Variants in PTPRD observed in about 807,000 individuals in gnomAD.
PTPRD encodes receptor-type tyrosine-protein phosphatase delta.
Under a neutral mutation model 214.5 loss-of-function variants are expected in PTPRD, and 34 were observed. The ratio of observed to expected loss-of-function variants is 0.16; its 90% CI spans 0.12 to 0.21. The LOEUF is 0.21. Among genes scored for constraint, PTPRD ranks in the 10% least tolerant of loss-of-function variants. PTPRD has a pLI of 1.00. For missense variants in PTPRD, 2,545 were observed against 2,398.7 expected (o/e 1.06, Z -1.27); for synonymous variants, 1,128 against 845.7 (o/e 1.33, Z -5.79).
intron 14 of PTPRD, among the ~76,000 whole-genome samples, chr9:8,602,543 A>T (rs1168243792): frequency 6.6e-6 from 1 of 152,230 alleles, no homozygotes; most frequent in Non-Finnish European, 1.5e-5. Flanking sequence ...TTTAATTTTT[A>T]AAATTGTTTT....
At chr9:9,443,199 G>A (rs1445585208) in intron 8 of PTPRD, among the ~76,000 whole-genome samples, 1 of 151,994 alleles carries the variant, frequency 6.6e-6, no homozygotes, top group Non-Finnish European at 1.5e-5. Context: ...AAAACATAAT[G>A]GAAGTATTAT....
intron 12 of PTPRD, among the ~76,000 whole-genome samples, chr9:8,645,367 T>C (rs1272055266): frequency 6.6e-6 from 1 of 152,228 alleles, no homozygotes; most frequent in African/African-American, 2.4e-5. Context: ...TTGGTATTAT[T>C]TTACTTATAC....
At chr9:8,554,763 T>C (rs140754211) in intron 14 of PTPRD, among the ~76,000 whole-genome samples, 1 of 152,314 alleles carries the variant, frequency 6.6e-6, no homozygotes, top group African/African-American at 2.4e-5. Context: ...GTCCAAGCAC[T>C]GTAGAGCTGT....
chr9:8,340,828 G>A (rs1485390548), intron 41 of PTPRD, among the ~76,000 whole-genome samples: 1 of 152,022 alleles, frequency 6.6e-6, no homozygotes, highest in Non-Finnish European at 1.5e-5. Context: ...TATGAAATAT[G>A]GTACAAAACA....
At chr9:9,456,526 T>A (rs776654225) in intron 8 of PTPRD, among the ~76,000 whole-genome samples, 1 of 151,834 alleles carries the variant, frequency 6.6e-6, no homozygotes, top group African/African-American at 2.4e-5. Flanking sequence ...CCAAACCAGA[T>A]GGCAGAAAGA....
chr9:9,193,683 C>T (rs956815363), intron 9 of PTPRD, among the ~76,000 whole-genome samples: 1 of 152,040 alleles, frequency 6.6e-6, no homozygotes, highest in Admixed American at 6.6e-5. Context: ...AAAATATCAT[C>T]TAAAAGATAA....
chr9:9,618,558 G>A (rs1409359594), intron 7 of PTPRD, among the ~76,000 whole-genome samples: 1 of 152,104 alleles, frequency 6.6e-6, no homozygotes, highest in Non-Finnish European at 1.5e-5. Context: ...GATGTGGAAA[G>A]GGTGGGAAGA....
Position 8,583,477 on chromosome 9 carries a change from G to A in PTPRD, c.352+49840C>T, listed in dbSNP as rs552566570. Among the ~76,000 whole-genome samples, 31 of 152,106 alleles carry A rather than the reference G, an allele frequency of 2.0e-4. No homozygotes were observed. In the South Asian group the frequency reaches 4.6e-3, roughly 22 times the overall value. On this transcript the variant is annotated intron_variant, in intron 14 of 45. Coordinates refer to ENST00000381196, the MANE Select transcript of PTPRD (RefSeq NM_002839.4). ...TAGGACAACAGGCACAAGCCACCAC[G>A]CATGGCTGGATAATTTATTTAAAAA...
chr9:9,271,759 T>C (rs992177650), intron 9 of PTPRD, among the ~76,000 whole-genome samples: 1 of 151,318 alleles, frequency 6.6e-6, no homozygotes, highest in Non-Finnish European at 1.5e-5. Context: ...TAACATCAAA[T>C]AGAATTCATG....
intron 2 of PTPRD, among the ~76,000 whole-genome samples, chr9:10,491,098 A>C (rs139666005): frequency 0.017 from 2,555 of 152,284 alleles, 61 homozygotes; most frequent in African/African-American, 0.058. Context: ...GTTCACAGTT[A>C]TATACCTGGC....
chr9:9,330,499 G>C (rs569154823), intron 9 of PTPRD, among the ~76,000 whole-genome samples: 2 of 151,790 alleles, frequency 1.3e-5, no homozygotes, highest in South Asian at 4.2e-4. Flanking sequence ...GCCACATTAA[G>C]AAAAAAACTT....
chr9:8,563,831 G>C (rs538115441), intron 14 of PTPRD, among the ~76,000 whole-genome samples: 1 of 152,138 alleles, frequency 6.6e-6, no homozygotes, highest in Admixed American at 6.5e-5. Flanking sequence ...TCAGTTCTAA[G>C]TTTTTGTATT....
At chr9:9,007,405 T>C (rs748853107) in intron 11 of PTPRD, among the ~76,000 whole-genome samples, 18 of 151,738 alleles carry the variant, frequency 1.2e-4, no homozygotes, top group Non-Finnish European at 2.2e-4. Flanking sequence ...TAATAAAATC[T>C]AAGAGAAAAA....
chr9:8,826,282 C>T (rs1453513461), intron 11 of PTPRD, among the ~76,000 whole-genome samples: 1 of 152,132 alleles, frequency 6.6e-6, no homozygotes, highest in Non-Finnish European at 1.5e-5. Context: ...CTATTCCTTA[C>T]AAAGCATCCA....
intron 3 of PTPRD, among the ~76,000 whole-genome samples, chr9:10,146,033 A>G (rs2099020040): frequency 6.6e-6 from 1 of 151,990 alleles, no homozygotes; most frequent in Admixed American, 6.6e-5. Flanking sequence ...ATTTGGAAAT[A>G]AAAGTATGCA....
chr9:10,056,055 G>T (rs2097639344), intron 3 of PTPRD, among the ~76,000 whole-genome samples: 1 of 149,466 alleles, frequency 6.7e-6, no homozygotes, highest in African/African-American at 2.6e-5. Context: ...GGGCGCAGTG[G>T]CTCACACCTG....
chr9:9,990,145 G>A (rs553916553), intron 4 of PTPRD, among the ~76,000 whole-genome samples: 1 of 152,284 alleles, frequency 6.6e-6, no homozygotes, highest in East Asian at 1.9e-4. Flanking sequence ...TGTTGGTTCA[G>A]TTTCCCTTCA....
At chr9:9,116,399 T>G (rs115637313) in intron 10 of PTPRD, among the ~76,000 whole-genome samples, 2 of 152,014 alleles carry the variant, frequency 1.3e-5, no homozygotes, top group Admixed American at 1.3e-4. Flanking sequence ...TTCTCACTCA[T>G]AAGTGAGAGC....
At chr9:9,775,844 T>C (rs1397790656) in intron 5 of PTPRD, among the ~76,000 whole-genome samples, 1 of 147,536 alleles carries the variant, frequency 6.8e-6, no homozygotes, top group East Asian at 2.1e-4. Context: ...CAGTCCCAGC[T>C]ACTTGGGAGG....
Sources: gnomAD v4.1 joint callset for allele counts (sites outside exome capture counted in the v4.1 genomes callset) on GRCh38, gnomAD v4.1.1 for gene constraint, MANE v1.5 for transcripts, NCBI Gene and HGNC (gene_info 2026-07-23, HGNC 2026-07-21) for gene names.